The following GFRA2 variants were observed in gnomAD, a reference collection of about 807,000 sequenced individuals.
The protein encoded by GFRA2 is GDNF family receptor alpha-2.
GFRA2 carries 17 observed loss-of-function variants against 48.3 expected under a neutral mutation model. The ratio of observed to expected loss-of-function variants is 0.35; its 90% CI spans 0.24 to 0.53. The LOEUF (loss-of-function observed/expected upper bound fraction) is 0.53. GFRA2 is among the 20% of genes least tolerant of loss of function. The pLI is 0.93. For missense variants in GFRA2, 660 were observed against 637.3 expected (o/e 1.04, Z -0.38); for synonymous variants, 305 against 257.2 (o/e 1.19, Z -1.78).
At position 21,701,427 on chromosome 8, in the gene GFRA2, A is replaced by G. The variant is rs553424801; in HGVS notation, c.1218+1378T>C. Among the ~76,000 whole-genome samples, 3 of 152,296 alleles carry G rather than the reference A, an allele frequency of 2.0e-5. No homozygotes were observed. The East Asian group carries it at 5.8e-4, about 30-fold the overall frequency. On this transcript the variant is annotated intron_variant, in intron 7 of 8. Coordinates refer to ENST00000524240, the MANE Select transcript of GFRA2 (RefSeq NM_001495.5). ...AAAAATAAAAAATAAAAACATTGTAATTAAAACTGAATCAGAGGCCCTTCC... is the reference window on the plus strand; with the variant it reads ...AAAAATAAAAAATAAAAACATTGTAGTTAAAACTGAATCAGAGGCCCTTCC...
At chr8:21,732,550 T>C (rs758205678) in intron 4 of GFRA2, among the ~76,000 whole-genome samples, 5 of 152,168 alleles carry the variant, frequency 3.3e-5, no homozygotes, top group Non-Finnish European at 5.9e-5. Flanking sequence ...CCCCAGCAGA[T>C]GCTGAAGGAT....
intron 2 of GFRA2, among the ~76,000 whole-genome samples, chr8:21,781,319 T>C (rs1437732917): frequency 1.3e-5 from 2 of 151,780 alleles, no homozygotes; most frequent in Non-Finnish European, 2.9e-5. Flanking sequence ...CTAATTCTCC[T>C]CCCCACTTCC....
At chr8:21,697,595 G>T (rs546405479) in intron 7 of GFRA2, among the ~76,000 whole-genome samples, 1 of 152,132 alleles carries the variant, frequency 6.6e-6, no homozygotes, top group African/African-American at 2.4e-5. Flanking sequence ...CTCAAATTCA[G>T]TGCCTCCCTG....
At chr8:21,748,114 C>T (rs1232429300) in intron 4 of GFRA2, among the ~76,000 whole-genome samples, 2 of 152,206 alleles carry the variant, frequency 1.3e-5, no homozygotes, top group African/African-American at 2.4e-5. Flanking sequence ...ATTTCATTTA[C>T]TGCTGTGGCT....
At position 21,750,572 on chromosome 8, in the gene GFRA2, C is replaced by T; in HGVS notation, c.794+16G>A. The T allele has an allele frequency of 6.6e-7, 1 of 1,508,756 alleles. No homozygotes were observed. Among genetic ancestry groups the T allele is most frequent in the Non-Finnish European group, 9.1e-7 (1 of 1,102,162 alleles). The allele number at this position is 1,508,756 out of a possible 1,614,324, so 93.5% of individuals were successfully genotyped here. ...CGCCCTCCTGCCAGCACCACCGGGG[C>T]TGCCGCGGCACTCACCGACACAGGT... On this transcript the variant is annotated intron_variant, in intron 4 of 8. Coordinates refer to ENST00000524240, the MANE Select transcript of GFRA2 (RefSeq NM_001495.5). This position sits in a 1 kb window ranked among gnomAD's most constrained non-coding sequence, Gnocchi z 5.7.
chr8:21,736,462 A>C (rs950321322), intron 4 of GFRA2, among the ~76,000 whole-genome samples: 1 of 152,064 alleles, frequency 6.6e-6, no homozygotes, highest in Non-Finnish European at 1.5e-5. Context: ...GATAATTTCT[A>C]GTTTCTTTAG....
chr8:21,767,321 CCTCT>C (rs1272374967), intron 3 of GFRA2, among the ~76,000 whole-genome samples: 1 of 152,096 alleles, frequency 6.6e-6, no homozygotes, highest in Non-Finnish European at 1.5e-5. Context: ...ACACACCCCA[CCTCT>C]CTCACACACA....
In GFRA2 at chr8:21,759,116, C is replaced by T. The variant is rs1373421420; in HGVS notation, c.440-8174G>A. Among the ~76,000 whole-genome samples, 6 of 152,116 alleles carry T rather than the reference C, an allele frequency of 3.9e-5. No homozygotes were observed. The South Asian group carries it at 1.2e-3, about 32-fold the overall frequency. ...ACAAAAATACATAAAAAAGGTCGGCCGCAGTGGCTCACACCTGTAGCCCCA... is the reference window on the plus strand; with the variant it reads ...ACAAAAATACATAAAAAAGGTCGGCTGCAGTGGCTCACACCTGTAGCCCCA... On this transcript the variant is annotated intron_variant, in intron 3 of 8. Coordinates refer to ENST00000524240, the MANE Select transcript of GFRA2 (RefSeq NM_001495.5).
At chr8:21,752,011 C>T (rs1476356705) in intron 3 of GFRA2, among the ~76,000 whole-genome samples, 2 of 152,176 alleles carry the variant, frequency 1.3e-5, no homozygotes, top group Admixed American at 1.3e-4. Context: ...TGACCTGGGA[C>T]AAATGGCTGA....
chr8:21,803,840 C>T (rs1312159134), intron 2 of GFRA2, among the ~76,000 whole-genome samples: 1 of 152,076 alleles, frequency 6.6e-6, no homozygotes, highest in African/African-American at 2.4e-5. Flanking sequence ...GCCATGTTGC[C>T]CTGGCTAGTC....
rs115437995 is a variant in GFRA2 at position 21,713,947 on chromosome 8, C to T, written c.795-7906G>A. Among the ~76,000 whole-genome samples, 807 of 152,224 alleles carry T rather than the reference C, an allele frequency of 5.3e-3. 10 individuals carry two copies. The highest frequency in any genetic ancestry group is 0.019 in the African/African-American group (780 of 41,524). On this transcript the variant is annotated intron_variant, in intron 4 of 8. Transcript: ENST00000524240. The stretch of plus-strand genomic sequence containing the variant: ...ACCCATAAAAAAAAGCAGTGCTTTG[C>T]GCCACAGCCAGAGAAAGCCCACAGT...
At chr8:21,754,962 T>G (rs1381097144) in intron 3 of GFRA2, among the ~76,000 whole-genome samples, 4 of 151,968 alleles carry the variant, frequency 2.6e-5, no homozygotes, top group African/African-American at 9.7e-5. Flanking sequence ...AAAACCTACA[T>G]GAAAGGAGAC....
chr8:21,712,631 G>C (rs1803110520), intron 4 of GFRA2, among the ~76,000 whole-genome samples: 1 of 152,040 alleles, frequency 6.6e-6, no homozygotes, highest in African/African-American at 2.4e-5. Flanking sequence ...CTGCAATCTT[G>C]GCACTTTGGG....
intron 4 of GFRA2, 45 bp from the exon 5 acceptor site, chr8:21,706,086 C>A (rs1802731001): frequency 7.9e-7 from 1 of 1,263,234 alleles, no homozygotes. Context: ...GGGGTTCAGT[C>A]TAGCTGCCTT....
chr8:21,789,424 C>T (rs1343886749), upstream of GFRA2, among the ~76,000 whole-genome samples: 1 of 152,048 alleles, frequency 6.6e-6, no homozygotes, highest in African/African-American at 2.4e-5. Context: ...GGCGCGGAGT[C>T]CGTGGGGCCC....
At chr8:21,791,191 C>T (rs1478839179), upstream of GFRA2, among the ~76,000 whole-genome samples, 1 of 152,116 alleles carries the variant, frequency 6.6e-6, no homozygotes, top group African/African-American at 2.4e-5. Context: ...TGTAGTTCTC[C>T]CCTCCCACCT....
At chr8:21,791,532 G>T (rs1361903587), upstream of GFRA2, among the ~76,000 whole-genome samples, 4 of 152,050 alleles carry the variant, frequency 2.6e-5, no homozygotes, top group African/African-American at 9.7e-5. Context: ...CTGAGCATCT[G>T]CCATGAGGAA....
At chr8:21,723,061 T>C (rs1360255083) in intron 4 of GFRA2, among the ~76,000 whole-genome samples, 1 of 152,132 alleles carries the variant, frequency 6.6e-6, no homozygotes, top group East Asian at 1.9e-4. Context: ...TGTAAAGAAA[T>C]TGAGCATCAG....
chr8:21,795,800 A>C (rs1807663791), intron 2 of GFRA2, among the ~76,000 whole-genome samples: 1 of 152,128 alleles, frequency 6.6e-6, no homozygotes, highest in East Asian at 1.9e-4. Flanking sequence ...TCCAATTCCA[A>C]CTTGGCCTCT....
Sources: gnomAD v4.1 joint callset for allele counts (sites outside exome capture counted in the v4.1 genomes callset) on GRCh38, gnomAD v4.1.1 for gene constraint, Gnocchi (gnomAD v3.1) non-coding constraint, MANE v1.5 for transcripts, NCBI Gene and HGNC (gene_info 2026-07-23, HGNC 2026-07-21) for gene names.